ARID1B: variants seen among roughly 807,000 people sequenced by gnomAD.
ARID1B encodes AT-rich interaction domain 1B.
A neutral mutation model predicts 212.3 loss-of-function variants in ARID1B; 30 were observed. The observed-to-expected ratio is 0.14, with a 90% CI of 0.11 to 0.19. ARID1B has a LOEUF of 0.19. ARID1B is among the 10% of genes least tolerant of loss of function. The pLI is 1.00. For synonymous variants in ARID1B, 1,402 were observed against 1,301.7 expected (o/e 1.08, Z -1.66); for missense variants, 2,891 against 3,204.0 (o/e 0.90, Z 2.36).
At chr6:156,827,271 C>T (rs928788014) in intron 1 of ARID1B, among the ~76,000 whole-genome samples, 3 of 152,206 alleles carry the variant, frequency 2.0e-5, no homozygotes, top group Non-Finnish European at 4.4e-5. Context: ...GCTCCCACTC[C>T]TGGGGATATG....
At chr6:156,910,540 T>C (rs963884643) in intron 3 of ARID1B, among the ~76,000 whole-genome samples, 57 of 152,162 alleles carry the variant, frequency 3.7e-4, no homozygotes, top group African/African-American at 1.3e-3. Context: ...AAAGTTGGCT[T>C]CTATTGCTCT....
chr6:156,886,296 G>A lies in ARID1B; in HGVS notation c.1987-15080G>A, dbSNP rs567844627. Among the ~76,000 whole-genome samples, 92 of 152,284 alleles carry A rather than the reference G, an allele frequency of 6.0e-4. 1 individual carries two copies. Among genetic ancestry groups the A allele is most frequent in the Non-Finnish European group, 2.1e-4 (14 of 68,018 alleles). On this transcript the variant is annotated intron_variant, in intron 2 of 19. Transcript: ENST00000636930. ...CAACCTCCGCCTCCTGGGTTTAAGT[G>A]ATTCTCTTGCCTCAGCCTCTGGAGT...
intron 6 of ARID1B, among the ~76,000 whole-genome samples, chr6:157,124,032 A>T (rs940315680): frequency 6.6e-6 from 1 of 152,214 alleles, no homozygotes; most frequent in African/African-American, 2.4e-5. Flanking sequence ...AGGCCATGGA[A>T]ATAATTGTGC....
intron 3 of ARID1B, among the ~76,000 whole-genome samples, chr6:156,920,348 A>G (rs1166712154): frequency 6.6e-6 from 1 of 152,170 alleles, no homozygotes; most frequent in Non-Finnish European, 1.5e-5. Context: ...CTTGATATTT[A>G]TATTCTGACA....
intron 4 of ARID1B, among the ~76,000 whole-genome samples, chr6:156,980,713 G>A (rs772026206): frequency 1.3e-5 from 2 of 152,162 alleles, no homozygotes; most frequent in Admixed American, 1.3e-4. Flanking sequence ...GTGGAGGGAC[G>A]GCCTTTGAGA....
chr6:157,142,095 T>C (rs1221816739), intron 7 of ARID1B, among the ~76,000 whole-genome samples: 7 of 152,302 alleles, frequency 4.6e-5, no homozygotes, highest in South Asian at 2.1e-4. Flanking sequence ...AAAGGCATAA[T>C]GCTAAGAAGC....
intron 4 of ARID1B, among the ~76,000 whole-genome samples, chr6:156,992,122 A>G (rs1185425492): frequency 6.6e-6 from 1 of 152,204 alleles, no homozygotes; most frequent in Non-Finnish European, 1.5e-5. Flanking sequence ...TATGTATGTC[A>G]TGTATAATAA....
At chr6:156,841,197 T>C (rs1222138161) in intron 2 of ARID1B, among the ~76,000 whole-genome samples, 2 of 152,172 alleles carry the variant, frequency 1.3e-5, no homozygotes, top group Non-Finnish European at 2.9e-5. Context: ...GGGCTTTTGA[T>C]GGCATTTTAG....
At chr6:156,913,141 TAAC>T (rs1790038204) in intron 3 of ARID1B, among the ~76,000 whole-genome samples, 3 of 151,990 alleles carry the variant, frequency 2.0e-5, no homozygotes, top group African/African-American at 7.2e-5. Context: ...TCTAGCTAAT[TAAC>T]ATATACATTA....
chr6:157,118,563 G>A (rs1385186640), intron 6 of ARID1B, among the ~76,000 whole-genome samples: 2 of 152,190 alleles, frequency 1.3e-5, no homozygotes, highest in African/African-American at 4.8e-5. Flanking sequence ...ACTCAAATGG[G>A]AGGCTTTATA....
At chr6:156,940,014 C>A (rs1191395116) in intron 4 of ARID1B, 2 of 152,128 alleles carry the variant, frequency 1.3e-5, no homozygotes, top group East Asian at 3.8e-4. Flanking sequence ...GCTTTTCCCT[C>A]CAGGGATCTG....
chr6:157,038,455 A>G (rs1396497827), intron 4 of ARID1B, among the ~76,000 whole-genome samples: 1 of 152,164 alleles, frequency 6.6e-6, no homozygotes, highest in African/African-American at 2.4e-5. Flanking sequence ...AATGCTACCA[A>G]AAGCAAAGTT....
intron 4 of ARID1B, chr6:156,977,054 C>A (rs1274213464): frequency 1.2e-5 from 5 of 404,262 alleles, no homozygotes; most frequent in South Asian, 1.1e-4. Flanking sequence ...CAGGGAAAAT[C>A]CTGGAATTCT....
chr6:157,129,502 T>C (rs1788383851), intron 6 of ARID1B, among the ~76,000 whole-genome samples: 1 of 152,218 alleles, frequency 6.6e-6, no homozygotes, highest in African/African-American at 2.4e-5. Flanking sequence ...CTCTTTTAAG[T>C]GGTGCCATTG....
Position 156,779,443 on chromosome 6 carries a change from C to G in ARID1B, c.1763C>G (p.Thr588Ser). The change falls in exon 1 of 20, where the codon ACC (threonine) becomes AGC (serine). Residue 588 changes from threonine to serine, a missense_variant. By Grantham distance (58) the Thr-to-Ser change is moderately conservative. Around this residue, in one of 7 missense-constraint regions of ARID1B, gnomAD observed 1,643 missense variants for 1,544.0 expected, o/e 1.06. Coordinates refer to ENST00000636930, the MANE Select transcript of ARID1B (RefSeq NM_001374828.1). ...QRSHPAMSPGTPGPTMGRSQG... is the reference protein window; with the variant it reads ...QRSHPAMSPGSPGPTMGRSQG... ...AGTCACCCGGCGATGAGCCCCGGCA[C>G]CCCCGGACCGACCATGGGCAGATCC... 1.4e-6 allele frequency: 2 copies of G among 1,457,470 alleles called. No homozygotes were observed. The highest frequency in any genetic ancestry group is 1.3e-5 in the South Asian group (1 of 79,232). The allele number at this position is 1,457,470 out of a possible 1,614,324, so 90.3% of individuals were successfully genotyped here. A position where few individuals can be genotyped will look rare whatever the true frequency, so the allele number is the denominator to read the frequency against.
chr6:157,189,539 T>C, intron 13 of ARID1B, 103 bp from the exon 14 acceptor site: 3 of 1,306,514 alleles, frequency 2.3e-6, no homozygotes, highest in Non-Finnish European at 3.1e-6. Context: ...AGATGGTGTC[T>C]TATTTACATT....
chr6:156,959,435 A>C (rs1224428592), intron 4 of ARID1B, among the ~76,000 whole-genome samples: 8 of 151,960 alleles, frequency 5.3e-5, no homozygotes, highest in Non-Finnish European at 1.5e-5. Context: ...TTCCTCCCCC[A>C]ATTTTTTATC....
upstream of ARID1B, chr6:156,776,427 T>C (rs866627616): frequency 3.3e-5 from 5 of 152,352 alleles, no homozygotes; most frequent in Admixed American, 6.5e-5. Context: ...AATATTTTAG[T>C]TTCGTTCCAC....
chr6:156,852,025 A>G lies in ARID1B; in HGVS notation c.1986+22604A>G, dbSNP rs528079513. On this transcript the variant is annotated intron_variant, in intron 2 of 19. Transcript: ENST00000636930. ...TTACATATTTCCTTCCTAACTGGGT[A>G]AAGTTATATTTCTATTCTTTACCTC... Among the ~76,000 whole-genome samples, 31 of 152,304 alleles carry G rather than the reference A, an allele frequency of 2.0e-4. No homozygotes were observed. In the East Asian group the frequency reaches 3.7e-3, roughly 18 times the overall value.
Sources: allele counts gnomAD v4.1 joint callset (sites outside exome capture counted in the v4.1 genomes callset), GRCh38; gene constraint gnomAD v4.1.1; regional missense constraint gnomAD v4.1.1; transcripts MANE v1.5; gene names NCBI Gene and HGNC (gene_info 2026-07-23, HGNC 2026-07-21).